The following PHIP variants were observed in gnomAD, a reference collection of about 807,000 sequenced individuals.
PHIP encodes PHIP subunit of CUL4-Ring ligase complex.
PHIP carries 54 observed loss-of-function variants against 236.8 expected under a neutral mutation model. The ratio of observed to expected loss-of-function variants is 0.23; its 90% CI spans 0.18 to 0.29. PHIP has a LOEUF of 0.29. PHIP is among the 10% of genes least tolerant of loss of function. The pLI is 1.00. For missense variants in PHIP, 1,370 were observed against 2,190.8 expected (o/e 0.63, Z 7.48); for synonymous variants, 756 against 718.9 (o/e 1.05, Z -0.83).
intron 6 of PHIP, among the ~76,000 whole-genome samples, chr6:79,048,590 CA>C (rs1276973395): frequency 6.6e-6 from 1 of 151,958 alleles, no homozygotes; most frequent in East Asian, 1.9e-4. Context: ...TACCCAAGAT[CA>C]AAATTAACCA....
At chr6:78,957,704 A>G (rs1195391255) in intron 32 of PHIP, 2 of 152,008 alleles carry the variant, frequency 1.3e-5, no homozygotes, top group Non-Finnish European at 2.9e-5. Flanking sequence ...AATTCAATAC[A>G]AATAATGACA....
At position 79,003,840 on chromosome 6, in the gene PHIP, C is replaced by T; in HGVS notation, c.1543G>A (p.Gly515Ser). The change falls in exon 16 of 40, where the codon GGC becomes AGC. Residue 515 changes from glycine to serine, a missense_variant. Physicochemically the swap from Gly to Ser is moderately conservative, Grantham distance 56 (BLOSUM62 0). Coordinates refer to ENST00000275034, the MANE Select transcript of PHIP (RefSeq NM_017934.7). The part of the protein sequence containing the change: ...YFNMIEGQGH[G>S]AVFDCKCSPD... ...GAGCATTTGCAGTCAAATACTGCGC[C>T]ATGTCCTTGGCCTTCAATCTGAAAT... 6.2e-7 allele frequency: 1 copy of T among 1,605,912 alleles called. No individual in the cohort carries two copies. The highest frequency in any genetic ancestry group is 1.3e-5 in the African/African-American group (1 of 74,556).
intron 7 of PHIP, among the ~76,000 whole-genome samples, chr6:79,040,391 C>G (rs1465456780): frequency 1.3e-5 from 2 of 152,092 alleles, no homozygotes; most frequent in Non-Finnish European, 2.9e-5. Flanking sequence ...TTGGAAAAAG[C>G]TTTCAAATAT....
intron 4 of PHIP, among the ~76,000 whole-genome samples, chr6:79,073,665 A>G (rs947654432): frequency 6.6e-6 from 1 of 152,146 alleles, no homozygotes; most frequent in South Asian, 2.1e-4. Flanking sequence ...ATATATACTT[A>G]AATAAATCCT....
At chr6:79,077,029 A>G (rs552784818) in intron 4 of PHIP, among the ~76,000 whole-genome samples, 1 of 152,208 alleles carries the variant, frequency 6.6e-6, no homozygotes, top group Admixed American at 6.5e-5. Flanking sequence ...TGTGTAGGGC[A>G]GGAGAAAGCC....
At chr6:78,952,492 C>T (rs1415492461) in intron 35 of PHIP, among the ~76,000 whole-genome samples, 2 of 150,274 alleles carry the variant, frequency 1.3e-5, no homozygotes, top group Non-Finnish European at 3.0e-5. Flanking sequence ...TCAAATATTG[C>T]TCCTCTCCCA....
chr6:79,063,390 T>C (rs983368118), intron 4 of PHIP, among the ~76,000 whole-genome samples: 2 of 152,222 alleles, frequency 1.3e-5, no homozygotes, highest in African/African-American at 4.8e-5. Flanking sequence ...TTTTACATGG[T>C]ATAATTCTTT....
chr6:78,978,421 GATT>G (rs1768269328), intron 24 of PHIP, among the ~76,000 whole-genome samples, 168 bp downstream of exon 24: 1 of 152,016 alleles, frequency 6.6e-6, no homozygotes, highest in Non-Finnish European at 1.5e-5. Flanking sequence ...CTTCAAAGAA[GATT>G]ATTAGACTTT....
Position 79,047,716 on chromosome 6 carries a change from T to C in PHIP, c.440-4713A>G, listed in dbSNP as rs140638039. Among the ~76,000 whole-genome samples the C allele has an allele frequency of 8.6e-3, 1,310 of 152,224 alleles. 25 individuals carry two copies. Among genetic ancestry groups the C allele is most frequent in the African/African-American group, 0.03 (1,246 of 41,558 alleles). On this transcript the variant is annotated intron_variant, in intron 6 of 39. Transcript: ENST00000275034. ...TGACACCCCACAATTTCACAAATTT[T>C]ACACAGTCAATTATATTAATATCTT...
intron 4 of PHIP, among the ~76,000 whole-genome samples, chr6:79,062,097 G>C (rs1490182710): frequency 6.6e-6 from 1 of 152,086 alleles, no homozygotes; most frequent in Non-Finnish European, 1.5e-5. Flanking sequence ...TAGGTGATAA[G>C]CCAGTAAAAT....
At chr6:78,953,711 A>G (rs527295523) in intron 35 of PHIP, among the ~76,000 whole-genome samples, 1 of 152,214 alleles carries the variant, frequency 6.6e-6, no homozygotes, top group South Asian at 2.1e-4. Context: ...AAATTTCTTT[A>G]TTTTCATCAT....
chr6:78,954,470 T>A (rs746941691), intron 35 of PHIP, among the ~76,000 whole-genome samples: 8 of 152,078 alleles, frequency 5.3e-5, no homozygotes, highest in Non-Finnish European at 8.8e-5. Context: ...GGCATTATTC[T>A]TTTTTTCTAG....
In PHIP at chr6:78,955,625, C is replaced by T. The variant is rs1187347910; in HGVS notation, c.3840G>A (p.Leu1280=). 2 of 1,029,434 alleles carry T rather than the reference C, an allele frequency of 1.9e-6. No individual in the cohort carries two copies. Among genetic ancestry groups the T allele is most frequent in the South Asian group, 1.4e-5 (1 of 69,684 alleles). 63.8% of individuals were successfully genotyped at this position (1,029,434 alleles called of 1,614,324 possible). The stretch of plus-strand genomic sequence containing the variant: ...AAATATTACATACCTCAGAATCAGA[C>T]AAAACTTTCTTCTTCATTGAATTAT... ...PLYNSMKKKV[L]SDSEDEEKDA... is the part of the protein sequence containing the mutation. The change falls in exon 33 of 40, where the codon TTG becomes TTA. Residue 1280 remains leucine (L), a synonymous_variant. Coordinates refer to ENST00000275034, the MANE Select transcript of PHIP (RefSeq NM_017934.7).
chr6:78,976,579 T>A, intron 24 of PHIP, among the ~76,000 whole-genome samples: 1 of 134,780 alleles, frequency 7.4e-6, no homozygotes, highest in African/African-American at 2.7e-5. Flanking sequence ...ACCATCAGAG[T>A]GAACAGGCAA....
At chr6:79,009,670 A>T (rs1770474536) in intron 15 of PHIP, among the ~76,000 whole-genome samples, 1 of 152,090 alleles carries the variant, frequency 6.6e-6, no homozygotes, top group Admixed American at 6.5e-5. Context: ...TTTCATCTGC[A>T]TGTTTAAATT....
At chr6:79,014,077 T>C (rs984905820) in intron 15 of PHIP, among the ~76,000 whole-genome samples, 1 of 151,254 alleles carries the variant, frequency 6.6e-6, no homozygotes, top group Non-Finnish European at 1.5e-5. Flanking sequence ...TTACAAACCT[T>C]ATTTCTTACC....
chr6:78,941,802 A>C (rs1017644140), intron 39 of PHIP, among the ~76,000 whole-genome samples: 1 of 152,160 alleles, frequency 6.6e-6, no homozygotes, highest in Admixed American at 6.5e-5. Flanking sequence ...ATATATATAT[A>C]TCAATCAAAA....
At chr6:79,007,388 T>C (rs1770338775) in intron 15 of PHIP, among the ~76,000 whole-genome samples, 1 of 151,904 alleles carries the variant, frequency 6.6e-6, no homozygotes, top group South Asian at 2.1e-4. Flanking sequence ...AGTTCTAAAA[T>C]CCTACCATCT....
At chr6:79,001,439 C>T (rs1233433565) in intron 17 of PHIP, among the ~76,000 whole-genome samples, 3 of 152,012 alleles carry the variant, frequency 2.0e-5, no homozygotes, top group Non-Finnish European at 2.9e-5. Flanking sequence ...TGCTATTATT[C>T]CCTTTAGTAA....
Sources: allele counts gnomAD v4.1 joint callset (sites outside exome capture counted in the v4.1 genomes callset), GRCh38; gene constraint gnomAD v4.1.1; transcripts MANE v1.5; gene names NCBI Gene and HGNC (gene_info 2026-07-23, HGNC 2026-07-21).